Variants in PVT1 observed in about 807,000 individuals in gnomAD.
The protein encoded by PVT1 is Pvt1 oncogene.
chr8:127,819,778 C>T (rs868193586), intron 2 of PVT1, among the ~76,000 whole-genome samples: 1 of 152,196 alleles, frequency 6.6e-6, no homozygotes, highest in African/African-American at 2.4e-5. Flanking sequence ...TACTACTTTG[C>T]ATTTTCCTGG....
intron 2 of PVT1, among the ~76,000 whole-genome samples, chr8:127,822,931 A>AG (rs1814749034): frequency 6.6e-6 from 1 of 152,210 alleles, no homozygotes; most frequent in African/African-American, 2.4e-5. Flanking sequence ...ATTTTGAGCC[A>AG]GGGAGTGACA....
chr8:128,027,565 G>A (rs981739199), intron 4 of PVT1, among the ~76,000 whole-genome samples: 5 of 152,222 alleles, frequency 3.3e-5, no homozygotes, highest in Admixed American at 3.3e-4. Flanking sequence ...GTCAGTGATG[G>A]AATCACCAGG....
chr8:127,995,498 C>A (rs1414016509), intron 4 of PVT1, among the ~76,000 whole-genome samples: 1 of 152,180 alleles, frequency 6.6e-6, no homozygotes, highest in African/African-American at 2.4e-5. Flanking sequence ...TTGTTCATTT[C>A]TTTAATTGTG....
At chr8:128,004,417 C>T (rs1284292437) in intron 4 of PVT1, among the ~76,000 whole-genome samples, 1 of 152,154 alleles carries the variant, frequency 6.6e-6, no homozygotes, top group Non-Finnish European at 1.5e-5. Context: ...TTTGCTCATC[C>T]TGGAGGTGGG....
At chr8:127,968,627 C>A (rs939222576) in intron 3 of PVT1, among the ~76,000 whole-genome samples, 3 of 152,118 alleles carry the variant, frequency 2.0e-5, no homozygotes, top group Admixed American at 6.5e-5. Context: ...AGGGTTAGTA[C>A]AGTGGGTGAA....
chr8:127,801,672 C>T (rs977997889), intron 2 of PVT1, among the ~76,000 whole-genome samples: 2 of 152,120 alleles, frequency 1.3e-5, no homozygotes, highest in African/African-American at 2.4e-5. Flanking sequence ...ATGCACAGAG[C>T]GTTAAGTGCC....
rs531710023 is a variant in PVT1, at chr8:128,043,135, C to T, written n.913-27025C>T. Among the ~76,000 whole-genome samples the T allele has an allele frequency of 1.9e-4, 29 of 152,120 alleles. 1 individual carries two copies. Among genetic ancestry groups the T allele is most frequent in the Non-Finnish European group, 4.0e-4 (27 of 68,022 alleles). On this transcript the variant is annotated intron_variant and non_coding_transcript_variant, in intron 4 of 10. Coordinates refer to ENST00000651587, the Ensembl canonical transcript of PVT1. Reference sequence around the variant, plus strand: ...TGCCTTCCCTAAATAAAGGGGCCAGCCCTCCATTAGCATCCACTTAATGTT... The same window carrying T: ...TGCCTTCCCTAAATAAAGGGGCCAGTCCTCCATTAGCATCCACTTAATGTT...
intron 4 of PVT1, among the ~76,000 whole-genome samples, chr8:128,065,954 G>A (rs116837794): frequency 6.6e-6 from 1 of 152,342 alleles, no homozygotes; most frequent in African/African-American, 2.4e-5. Context: ...TTAGAACCTA[G>A]TCTGTGACAC....
intron 4 of PVT1, among the ~76,000 whole-genome samples, chr8:127,995,868 A>G (rs1025005145): frequency 1.6e-4 from 24 of 151,860 alleles, no homozygotes; most frequent in Admixed American, 9.2e-4. Context: ...TGAAGCGCAT[A>G]TTGGTGCTCT....
intron 4 of PVT1, among the ~76,000 whole-genome samples, chr8:128,044,367 T>TA (rs1240617887): frequency 2.6e-5 from 4 of 152,230 alleles, no homozygotes; most frequent in African/African-American, 9.6e-5. Context: ...TTAATTTTAT[T>TA]AAGTGCTTTA....
intron 3 of PVT1, among the ~76,000 whole-genome samples, chr8:127,915,576 C>T (rs1386723518): frequency 8.0e-6 from 1 of 125,086 alleles, no homozygotes; most frequent in Non-Finnish European, 1.6e-5. Context: ...TGCATCATTG[C>T]ATTTCAGCCT....
chr8:128,005,980 G>A (rs1459845757), intron 4 of PVT1, among the ~76,000 whole-genome samples: 4 of 151,990 alleles, frequency 2.6e-5, no homozygotes, highest in Non-Finnish European at 5.9e-5. Flanking sequence ...GTGCGCGCCT[G>A]TAGTCCCAGC....
Position 127,812,256 on chromosome 8 carries a change from CAGGAAGGCAGGA to C in PVT1, n.372+16193_372+16204del, listed in dbSNP as rs1303807182. 9.3e-4 allele frequency among the ~76,000 whole-genome samples: 111 copies of C among 119,196 alleles called. 1 individual carries two copies. The highest frequency in any genetic ancestry group is 4.1e-3 in the Middle Eastern group (1 of 242). The allele number at this position is 119,196 out of a possible 152,430, so 78.2% of individuals were successfully genotyped here. ...GCAGGAAGGAAGGAAGGCAGGAAGG[CAGGAAGGCAGGA>C]AGGAAGGAAGGAAGGAAGGAAGAGA... On this transcript the variant is annotated intron_variant and non_coding_transcript_variant, in intron 2 of 10. Transcript: ENST00000651587.
chr8:127,848,124 C>T (rs527686820), intron 2 of PVT1, among the ~76,000 whole-genome samples: 9 of 152,252 alleles, frequency 5.9e-5, no homozygotes, highest in South Asian at 2.1e-4. Flanking sequence ...AGTTTATAAC[C>T]TTGTCATGAT....
intron 2 of PVT1, among the ~76,000 whole-genome samples, chr8:127,880,622 A>G (rs561913293): frequency 2.7e-5 from 3 of 109,586 alleles, no homozygotes; most frequent in South Asian, 3.3e-4. Context: ...TTTTTCCGAG[A>G]TGGAGTCTCA....
At chr8:127,989,522 G>A (rs1389734356) in intron 4 of PVT1, among the ~76,000 whole-genome samples, 1 of 152,108 alleles carries the variant, frequency 6.6e-6, no homozygotes. Context: ...CCTAGTGGAG[G>A]GAGGAGCCCA....
In PVT1 at chr8:128,058,378, A is replaced by ATGTGTG. The variant is rs3041914; in HGVS notation, n.913-11754_913-11749dup. Among the ~76,000 whole-genome samples, 983 of 146,658 alleles carry ATGTGTG rather than the reference A, an allele frequency of 6.7e-3. 10 individuals carry two copies. Among genetic ancestry groups the ATGTGTG allele is most frequent in the South Asian group, 0.034 (156 of 4,524 alleles). Reference sequence around the variant, plus strand: ...TGTAACTAATTAAACAAACTGATGCATGTGTGTGTGTGTGTGTGTGTGTGT... The same window carrying ATGTGTG: ...TGTAACTAATTAAACAAACTGATGCATGTGTGTGTGTGTGTGTGTGTGTGTGTGTGT... On this transcript the variant is annotated intron_variant and non_coding_transcript_variant, in intron 4 of 10. Transcript: ENST00000651587.
chr8:127,980,460 G>T (rs1356636565), intron 3 of PVT1, among the ~76,000 whole-genome samples: 1 of 152,088 alleles, frequency 6.6e-6, no homozygotes, highest in Non-Finnish European at 1.5e-5. Flanking sequence ...ATGGGCTCTG[G>T]GCCAGCGTTG....
intron 4 of PVT1, among the ~76,000 whole-genome samples, chr8:127,991,098 C>T (rs1817032315): frequency 6.6e-6 from 1 of 150,760 alleles, no homozygotes; most frequent in South Asian, 2.1e-4. Flanking sequence ...GCTGACAAGT[C>T]TTCCTTGGGA....
Sources: gnomAD v4.1 joint callset for allele counts (sites outside exome capture counted in the v4.1 genomes callset) on GRCh38, gnomAD v4.1.1 for gene constraint, MANE v1.5 for transcripts, NCBI Gene and HGNC (gene_info 2026-07-23, HGNC 2026-07-21) for gene names.